NEGR1: variants seen among roughly 807,000 people sequenced by gnomAD.
NEGR1 encodes the protein neuronal growth regulator 1, also known as IgLON family member 4.
Under a neutral mutation model 40.9 loss-of-function variants are expected in NEGR1, and 10 were observed. The observed-to-expected ratio is 0.24, with a 90% CI of 0.15 to 0.42. NEGR1 has a LOEUF of 0.42. NEGR1 is among the 10% of genes least tolerant of loss of function. The pLI is 1.00. For synonymous variants in NEGR1, 185 were observed against 166.8 expected, an observed-to-expected ratio of 1.11 and a Z score of -0.84; for missense variants, 352 against 438.9, an observed-to-expected ratio of 0.80 and a Z score of 1.77.
At chr1:71,448,499 T>A (rs1646599502) in intron 6 of NEGR1, among the ~76,000 whole-genome samples, 1 of 152,066 alleles carries the variant, frequency 6.6e-6, no homozygotes, top group Non-Finnish European at 1.5e-5. Flanking sequence ...CTCAGGAGGC[T>A]GCGGCAGGAG....
chr1:71,817,536 A>G (rs1003788084), intron 2 of NEGR1, among the ~76,000 whole-genome samples: 7 of 152,056 alleles, frequency 4.6e-5, no homozygotes, highest in Admixed American at 3.9e-4. Context: ...CAATCTGGAC[A>G]GTCAATACCA....
chr1:71,416,027 T>C (rs1031784862), intron 6 of NEGR1, among the ~76,000 whole-genome samples: 5 of 152,168 alleles, frequency 3.3e-5, no homozygotes, highest in Non-Finnish European at 7.4e-5. Context: ...CTTGGGCCTC[T>C]AGGGCATCAT....
chr1:71,452,643 C>T (rs1288040522), intron 6 of NEGR1, among the ~76,000 whole-genome samples: 1 of 152,100 alleles, frequency 6.6e-6, no homozygotes, highest in Non-Finnish European at 1.5e-5. Flanking sequence ...TTCCCTTATT[C>T]ATTTTTCCTT....
intron 4 of NEGR1, among the ~76,000 whole-genome samples, chr1:71,638,329 T>C (rs957315851): frequency 4.6e-5 from 7 of 152,100 alleles, no homozygotes; most frequent in African/African-American, 1.2e-4. Context: ...GGAATGTATT[T>C]AAATTCTCAG....
chr1:72,067,993 G>C (rs12132044), intron 1 of NEGR1, among the ~76,000 whole-genome samples: 1 of 152,064 alleles, frequency 6.6e-6, no homozygotes, highest in South Asian at 2.1e-4. Flanking sequence ...ACACCATACT[G>C]CAAAGGAAAA....
At chr1:71,943,449 ATAAT>A (rs1175984090) in intron 1 of NEGR1, among the ~76,000 whole-genome samples, 1 of 151,844 alleles carries the variant, frequency 6.6e-6, no homozygotes, top group Non-Finnish European at 1.5e-5. Flanking sequence ...ATTTTAACTC[ATAAT>A]TAAACTGTTT....
chr1:71,489,644 T>C (rs2101382964), intron 6 of NEGR1: 1 of 152,074 alleles, frequency 6.6e-6, no homozygotes. Flanking sequence ...CCACAAAATC[T>C]GTTCTTCTGC....
At chr1:71,813,978 G>C (rs960506556) in intron 2 of NEGR1, among the ~76,000 whole-genome samples, 1 of 151,982 alleles carries the variant, frequency 6.6e-6, no homozygotes, top group African/African-American at 2.4e-5. Context: ...GTGGTGGAGT[G>C]GTGAGAGATG....
At chr1:71,581,038 G>C (rs1458470751) in intron 6 of NEGR1, among the ~76,000 whole-genome samples, 1 of 152,126 alleles carries the variant, frequency 6.6e-6, no homozygotes, top group Non-Finnish European at 1.5e-5. Context: ...AAATGCAATA[G>C]CTATTCAAAC....
At chr1:71,667,589 G>C (rs375184230) in intron 4 of NEGR1, among the ~76,000 whole-genome samples, 2 of 152,158 alleles carry the variant, frequency 1.3e-5, no homozygotes, top group East Asian at 1.9e-4. Flanking sequence ...AGGTCTTAAA[G>C]AAAATAGTCT....
At chr1:71,611,842 C>T (rs1030398872) in intron 4 of NEGR1, among the ~76,000 whole-genome samples, 1 of 152,208 alleles carries the variant, frequency 6.6e-6, no homozygotes, top group African/African-American at 2.4e-5. Context: ...CCATGCTCTT[C>T]CCTATTGCTC....
chr1:71,879,366 A>G (rs1021389519), intron 2 of NEGR1, among the ~76,000 whole-genome samples: 4 of 152,180 alleles, frequency 2.6e-5, no homozygotes, highest in Non-Finnish European at 4.4e-5. Context: ...CCTGCAGATA[A>G]TTTGTTATTT....
At chr1:72,107,375 T>A (rs553436904) in intron 1 of NEGR1, among the ~76,000 whole-genome samples, 1 of 151,608 alleles carries the variant, frequency 6.6e-6, no homozygotes, top group South Asian at 2.1e-4. Flanking sequence ...GAAAAAAAAA[T>A]TAGCCTGGGA....
intron 6 of NEGR1, among the ~76,000 whole-genome samples, chr1:71,525,302 C>T (rs35859700): frequency 0.13 from 19,876 of 151,592 alleles, 1,893 homozygotes; most frequent in African/African-American, 0.27. Flanking sequence ...TTTTTCCCTT[C>T]CTCTTAGGAA....
chr1:71,709,145 G>GAC (rs1653996897), intron 3 of NEGR1, among the ~76,000 whole-genome samples: 1 of 152,062 alleles, frequency 6.6e-6, no homozygotes, highest in African/African-American at 2.4e-5. Context: ...TGTATTTCTG[G>GAC]TTCTAGGTCT....
intron 1 of NEGR1, among the ~76,000 whole-genome samples, chr1:71,959,877 C>A: frequency 6.6e-6 from 1 of 151,806 alleles, no homozygotes; most frequent in East Asian, 1.9e-4. Context: ...CCACAGACAA[C>A]GTTGTTAAAT....
chr1:72,195,216 A>G (rs539033988), intron 1 of NEGR1, among the ~76,000 whole-genome samples: 4 of 152,148 alleles, frequency 2.6e-5, no homozygotes, highest in Non-Finnish European at 5.9e-5. Context: ...TAGAAAAGCT[A>G]GAGTTATCAC....
At chr1:71,743,407 G>GT (rs201865058) in intron 3 of NEGR1, among the ~76,000 whole-genome samples, 216 of 143,318 alleles carry the variant, frequency 1.5e-3, no homozygotes, top group Middle Eastern at 3.6e-3. Flanking sequence ...GCTGTCATTG[G>GT]TTTTTTTTTT....
intron 1 of NEGR1, among the ~76,000 whole-genome samples, chr1:72,020,737 A>G (rs1022709329): frequency 6.6e-6 from 1 of 152,214 alleles, no homozygotes; most frequent in African/African-American, 2.4e-5. Flanking sequence ...AGATATTCAT[A>G]TAAGATTCAA....
Sources: allele counts gnomAD v4.1 joint callset (sites outside exome capture counted in the v4.1 genomes callset), GRCh38; gene constraint gnomAD v4.1.1; transcripts MANE v1.5; gene names NCBI Gene and HGNC (gene_info 2026-07-23, HGNC 2026-07-21).